Variants in IRS2 observed in about 807,000 individuals in gnomAD.
The protein encoded by IRS2 is insulin receptor substrate 2.
A neutral mutation model predicts 70.9 loss-of-function variants in IRS2; 28 were observed. That is an observed-to-expected ratio of 0.39 (90% CI 0.29 to 0.54). IRS2 has a LOEUF of 0.54. Among genes scored for constraint, IRS2 ranks in the 20% least tolerant of loss-of-function variants. IRS2 has a pLI of 0.59. For synonymous variants in IRS2, 1,217 were observed against 981.9 expected, an observed-to-expected ratio of 1.24 and a Z score of -4.48; for missense variants, 2,081 against 2,024.1, an observed-to-expected ratio of 1.03 and a Z score of -0.54.
intron 1 of IRS2, among the ~76,000 whole-genome samples, chr13:109,776,098 G>A (rs576217331): frequency 9.4e-5 from 14 of 149,620 alleles, no homozygotes; most frequent in African/African-American, 2.5e-4. Flanking sequence ...GCAGTGAGCC[G>A]AGATCACACC....
In IRS2 at chr13:109,782,748, C is replaced by A; in HGVS notation, c.3306G>T (p.Thr1102=). ...TGAGGCTCAGCCTCTTCACGCCCGA[C>A]GTCGGGCTGGCCACGCGGGCAGCTT... ...KPEAARVASP[T]SGVKRLSLME... is the part of the protein sequence containing the mutation. Residue 1102 remains threonine (T), a synonymous_variant, in exon 1 of 2, where the codon ACG becomes ACT. Transcript: ENST00000375856. The A allele has an allele frequency of 6.2e-7, 1 of 1,600,136 alleles. No individual in the cohort carries two copies. Among genetic ancestry groups the A allele is most frequent in the Admixed American group, 1.7e-5 (1 of 58,850 alleles).
intron 1 of IRS2, among the ~76,000 whole-genome samples, chr13:109,772,688 ATTTT>A (rs34886741): frequency 7.6e-6 from 1 of 130,870 alleles, no homozygotes; most frequent in Admixed American, 7.7e-5. Flanking sequence ...TGCCTATTAC[ATTTT>A]TTTTTTTTTT....
chr13:109,762,208 A>T (rs1396732864), intron 1 of IRS2, among the ~76,000 whole-genome samples: 1 of 152,242 alleles, frequency 6.6e-6, no homozygotes, highest in Non-Finnish European at 1.5e-5. Flanking sequence ...CTATTCGTCT[A>T]TGGCAAGAAT....
chr13:109,778,560 G>GT (rs1877629692), intron 1 of IRS2, among the ~76,000 whole-genome samples: 1 of 152,178 alleles, frequency 6.6e-6, no homozygotes, highest in African/African-American at 2.4e-5. Flanking sequence ...AACTTGTGTG[G>GT]TTTGTCAATC....
In IRS2 at chr13:109,782,233, G is replaced by C. The variant is rs768958135; in HGVS notation, c.3821C>G (p.Pro1274Arg). ...GCTCTTGTCTCCCGGCTGAGGAAGC[G>C]GCGGCGGCGGCGGCTGCGGCTGGGG... ...LPPQPQPPPPPLPQPGDKSSW... is the reference protein window; with the variant it reads ...LPPQPQPPPPRLPQPGDKSSW... Residue 1274 changes from proline (P) to arginine (R), a missense_variant, in exon 1 of 2, where the codon CCG (proline) becomes CGG (arginine). Physicochemically the swap from Pro to Arg is moderately radical, Grantham distance 103. Coordinates refer to ENST00000375856, the MANE Select transcript of IRS2 (RefSeq NM_003749.3). 5 of 1,596,658 alleles carry C rather than the reference G, an allele frequency of 3.1e-6. No homozygotes were observed. The highest frequency in any genetic ancestry group is 1.1e-5 in the South Asian group (1 of 89,858).
chr13:109,758,682 A>G (rs1217744387), intron 1 of IRS2, among the ~76,000 whole-genome samples: 7 of 152,200 alleles, frequency 4.6e-5, no homozygotes, highest in African/African-American at 1.7e-4. Context: ...ATTTCTAAGC[A>G]TTAGCATTAT....
At position 109,783,467 on chromosome 13, in the gene IRS2, G is replaced by A. The variant is rs762937636; in HGVS notation, c.2587C>T (p.His863Tyr). ...AFGAGPTQPP[H>Y]PVVPSPVRPS... Reference sequence around the variant, plus strand: ...CGCACGGGCGAAGGCACTACAGGGTGAGGGGGCTGCGTGGGGCCGGCCCCG... The same window carrying A: ...CGCACGGGCGAAGGCACTACAGGGTAAGGGGGCTGCGTGGGGCCGGCCCCG... Residue 863 changes from histidine (H) to tyrosine (Y), a missense_variant, in exon 1 of 2, where the codon CAC (histidine) becomes TAC (tyrosine). Transcript: ENST00000375856. 4 of 1,540,408 alleles carry A rather than the reference G, an allele frequency of 2.6e-6. No individual in the cohort carries two copies. The highest frequency in any genetic ancestry group is 2.4e-5 in the South Asian group (2 of 83,960).
chr13:109,781,996 C>T, intron 1 of IRS2, 46 bp downstream of exon 1: 1 of 1,599,406 alleles, frequency 6.3e-7, no homozygotes, highest in Non-Finnish European at 8.5e-7. Context: ...CCCTCAGCGC[C>T]CCGCCCCTCC....
In IRS2 at chr13:109,754,459, G is replaced by A. The variant is rs1371080711; in HGVS notation, c.*1845C>T. 1 of 205,068 alleles carries A rather than the reference G, an allele frequency of 4.9e-6. No individual in the cohort carries two copies. The highest frequency in any genetic ancestry group is 1.0e-5 in the Non-Finnish European group (1 of 100,284). 12.7% of individuals were successfully genotyped at this position (205,068 alleles called of 1,614,324 possible). ...TATTCAGTCCCTATCGTACCTGGGGGGAGTTACAAAGCAAATACCACCCAT... is the reference window on the plus strand; with the variant it reads ...TATTCAGTCCCTATCGTACCTGGGGAGAGTTACAAAGCAAATACCACCCAT... On this transcript the variant is annotated 3_prime_UTR_variant, in exon 2 of 2. Coordinates refer to ENST00000375856, the MANE Select transcript of IRS2 (RefSeq NM_003749.3).
Position 109,786,076 on chromosome 13 carries a change from G to GC in IRS2, c.-24dup. The GC allele has an allele frequency of 9.4e-7, 1 of 1,059,680 alleles. No homozygotes were observed. Among genetic ancestry groups the GC allele is most frequent in the Non-Finnish European group, 1.1e-6 (1 of 883,988 alleles). The allele number at this position is 1,059,680 out of a possible 1,614,324, so 65.6% of individuals were successfully genotyped here. A position where few individuals can be genotyped will look rare whatever the true frequency, so the allele number is the denominator to read the frequency against. Reference sequence around the variant, plus strand: ...CATCGCGGGCGCTTCAGGCCGCGCGGCCCGGGCCCGGCGCCCAGGGGTTGG... The same window carrying GC: ...CATCGCGGGCGCTTCAGGCCGCGCGGCCCCGGGCCCGGCGCCCAGGGGTTGG... On this transcript the variant is annotated 5_prime_UTR_variant, in exon 1 of 2. Coordinates refer to ENST00000375856, the MANE Select transcript of IRS2 (RefSeq NM_003749.3). This position sits in a 1 kb window ranked among gnomAD's most constrained non-coding sequence, Gnocchi z 4.4.
Position 109,783,171 on chromosome 13 carries a change from G to T in IRS2, c.2883C>A (p.Gly961=). The T allele has an allele frequency of 7.2e-7, 1 of 1,383,432 alleles. No individual in the cohort carries two copies. Among genetic ancestry groups the T allele is most frequent in the Non-Finnish European group, 9.3e-7 (1 of 1,074,552 alleles). 85.7% of individuals were successfully genotyped at this position (1,383,432 alleles called of 1,614,324 possible). A position where few individuals can be genotyped will look rare whatever the true frequency, so the allele number is the denominator to read the frequency against. ...GGCTGTCGCTGCTGGTGCCCGGGGT[G>T]CCTGAGCCCAGCGACGAGGCCGGGC... ...ASSPASSLGS[G]TPGTSSDSRQ... is the part of the protein sequence containing the mutation. Residue 961 remains glycine, a synonymous_variant, in exon 1 of 2, where the codon GGC becomes GGA. Coordinates refer to ENST00000375856, the MANE Select transcript of IRS2 (RefSeq NM_003749.3).
chr13:109,785,582 C>A lies in IRS2; in HGVS notation c.472G>T (p.Ala158Ser), dbSNP rs1232950924. 2 of 1,315,586 alleles carry A rather than the reference C, an allele frequency of 1.5e-6. No homozygotes were observed. Among genetic ancestry groups the A allele is most frequent in the Admixed American group, 8.0e-5 (2 of 25,054 alleles). 81.5% of individuals were successfully genotyped at this position (1,315,586 alleles called of 1,614,324 possible). ...AAAGDAPPAA[A>S]PAASCSASLP... ...GAGGCGCTGCAGGACGCGGCGGGCGCGGCGGCGGGGGGCGCGTCTCCGGCG... is the reference window on the plus strand; with the variant it reads ...GAGGCGCTGCAGGACGCGGCGGGCGAGGCGGCGGGGGGCGCGTCTCCGGCG... The change falls in exon 1 of 2, where the codon GCG becomes TCG. Residue 158 changes from alanine to serine, a missense_variant. This residue lies in a region of IRS2 where 320 missense variants were observed against 352.9 expected (regional missense o/e 0.91). Transcript: ENST00000375856. This position sits in a 1 kb window ranked among gnomAD's most constrained non-coding sequence, Gnocchi z 9.3.
rs753250335 is a variant in IRS2 at position 109,784,290 on chromosome 13, G to A, written c.1764C>T (p.Pro588=). 1.3e-6 allele frequency: 2 copies of A among 1,598,156 alleles called. No individual in the cohort carries two copies. Among genetic ancestry groups the A allele is most frequent in the African/African-American group, 2.7e-5 (2 of 74,794 alleles). ...CATCCAGCGAGGCAGAGGAGGGCTG[G>A]GGCACCGGCCGCTGCCGGGCTGGCG... ...LTTPARQRPV[P]QPSSASLDEY... Residue 588 remains proline, a synonymous_variant, in exon 1 of 2, where the codon CCC becomes CCT. Coordinates refer to ENST00000375856, the MANE Select transcript of IRS2 (RefSeq NM_003749.3). This position sits in a 1 kb window ranked among gnomAD's most constrained non-coding sequence, Gnocchi z 5.2.
intron 1 of IRS2, among the ~76,000 whole-genome samples, chr13:109,765,067 C>CATGCCAAGCACACACA (rs1877305810): frequency 6.6e-6 from 1 of 152,156 alleles, no homozygotes; most frequent in Admixed American, 6.5e-5. Context: ...CCACGTCACA[C>CATGCCAAGCACACACA]ATGCCAAGCA....
At position 109,784,422 on chromosome 13, in the gene IRS2, G is replaced by T; in HGVS notation, c.1632C>A (p.Thr544=). The change falls in exon 1 of 2, where the codon ACC becomes ACA. Residue 544 remains threonine, a synonymous_variant. Coordinates refer to ENST00000375856, the MANE Select transcript of IRS2 (RefSeq NM_003749.3). The surrounding 1 kb of genome is among the most constrained non-coding windows in gnomAD (Gnocchi z 5.2). The part of the protein sequence containing the change: ...GGGGEFYGYM[T]MDRPLSHCGR... ...CACAGTGGCTCAGGGGCCTGTCCAT[G>T]GTCATGTACCCGTAGAACTCACCGC... 1.2e-6 allele frequency: 2 copies of T among 1,607,656 alleles called. No homozygotes were observed. Among genetic ancestry groups the T allele is most frequent in the Non-Finnish European group, 1.7e-6 (2 of 1,177,262 alleles).
At chr13:109,773,020 A>G (rs541828356) in intron 1 of IRS2, among the ~76,000 whole-genome samples, 1 of 152,184 alleles carries the variant, frequency 6.6e-6, no homozygotes, top group African/African-American at 2.4e-5. Context: ...TAAAGTGTGA[A>G]TATCTTAAGA....
chr13:109,782,610 A>T lies in IRS2; in HGVS notation c.3444T>A (p.Ser1148Arg). The T allele has an allele frequency of 6.3e-7, 1 of 1,577,100 alleles. No homozygotes were observed. The highest frequency in any genetic ancestry group is 8.6e-7 in the Non-Finnish European group (1 of 1,163,246). Residue 1148 changes from serine (S) to arginine (R), a missense_variant, in exon 1 of 2, where the codon AGT becomes AGA. Ser to Arg is a moderately radical substitution (Grantham distance 110). This residue lies in a region of IRS2 where 1,615 missense variants were observed against 1,459.5 expected (regional missense o/e 1.11). Coordinates refer to ENST00000375856, the MANE Select transcript of IRS2 (RefSeq NM_003749.3). ...TCGTGGTGGAGGAGAAGGTCTCGGAACTGTGGCGGCGGCGGCCCCCCTGCG... is the reference window on the plus strand; with the variant it reads ...TCGTGGTGGAGGAGAAGGTCTCGGATCTGTGGCGGCGGCGGCCCCCCTGCG... ...ADPQGGRRRH[S>R]SETFSSTTTV...
intron 1 of IRS2, among the ~76,000 whole-genome samples, chr13:109,777,546 AAGCACAGTG>A (rs1877605874): frequency 2.0e-5 from 3 of 152,212 alleles, no homozygotes; most frequent in Admixed American, 2.0e-4. Flanking sequence ...TATGTTTGAT[AAGCACAGTG>A]CTACCATCAA....
Position 109,755,212 on chromosome 13 carries a change from T to TG in IRS2, c.*1091_*1092insC, listed in dbSNP as rs1335157196. The TG allele has an allele frequency of 8.0e-6, 1 of 125,662 alleles. No individual in the cohort carries two copies. The highest frequency in any genetic ancestry group is 7.5e-5 in the African/African-American group (1 of 13,262). The allele number at this position is 125,662 out of a possible 1,614,324, so 7.8% of individuals were successfully genotyped here. ...GCCTCTTTTTATCAGTTTCTTTCTTTCCTTTTTTTTTTTTCTTTTTGTTTT... is the reference window on the plus strand; with the variant it reads ...GCCTCTTTTTATCAGTTTCTTTCTTTGCCTTTTTTTTTTTTCTTTTTGTTTT... On this transcript the variant is annotated 3_prime_UTR_variant, in exon 2 of 2. Coordinates refer to ENST00000375856, the MANE Select transcript of IRS2 (RefSeq NM_003749.3).
Sources: gnomAD v4.1 joint callset for allele counts (sites outside exome capture counted in the v4.1 genomes callset) on GRCh38, gnomAD v4.1.1 for gene constraint, gnomAD v4.1.1 regional missense constraint, Gnocchi (gnomAD v3.1) non-coding constraint, MANE v1.5 for transcripts, NCBI Gene and HGNC (gene_info 2026-07-23, HGNC 2026-07-21) for gene names.